Variants in BRCA2 observed in about 807,000 individuals in gnomAD.
The protein encoded by BRCA2 is BRCA2 DNA repair associated.
Under a neutral mutation model 276.7 loss-of-function variants are expected in BRCA2, and 203 were observed. The ratio of observed to expected loss-of-function variants is 0.73; its 90% CI spans 0.65 to 0.82. The LOEUF (loss-of-function observed/expected upper bound fraction) is 0.82, where lower values mean the gene tolerates loss of function less well. Among genes scored for constraint, BRCA2 ranks in the 40% least tolerant of loss-of-function variants. The pLI, the probability that BRCA2 is intolerant of heterozygous loss-of-function variation, is 0.00. For synonymous variants in BRCA2, 1,289 were observed against 1,338.4 expected (o/e 0.96, Z 0.81); for missense variants, 3,920 against 3,915.0 (o/e 1.00, Z -0.03).
Position 32,355,309 on chromosome 13 carries a change from T to G in BRCA2, c.7435+21T>G, listed in dbSNP as rs1451856450. Reference sequence around the variant, plus strand: ...TTTAGGTATTGTATGACAATTTGTGTGATGAATTTTTGCCTTTCAGTTAGA... The same window carrying G: ...TTTAGGTATTGTATGACAATTTGTGGGATGAATTTTTGCCTTTCAGTTAGA... On this transcript the variant is annotated intron_variant, in intron 14 of 26. Coordinates refer to ENST00000380152, the MANE Select transcript of BRCA2 (RefSeq NM_000059.4). 1.2e-6 allele frequency: 2 copies of G among 1,612,904 alleles called. No individual in the cohort carries two copies. Among genetic ancestry groups the G allele is most frequent in the Non-Finnish European group, 1.7e-6 (2 of 1,179,436 alleles).
At chr13:32,371,839 T>C (rs1230220482) in intron 20 of BRCA2, among the ~76,000 whole-genome samples, 3 of 152,252 alleles carry the variant, frequency 2.0e-5, no homozygotes, top group African/African-American at 7.2e-5. Context: ...ATGTTTACAC[T>C]ATAGCATAAT....
rs772324268 is a variant in BRCA2, at chr13:32,340,133, T to C, written c.5778T>C (p.Ser1926=). 6.2e-7 allele frequency: 1 copy of C among 1,613,112 alleles called. No homozygotes were observed. Among genetic ancestry groups the C allele is most frequent in the Non-Finnish European group, 8.5e-7 (1 of 1,179,536 alleles). ...HSHKVFADIQ[S]EEILQHNQNM... ...ATAAGGTTTTTGCTGACATTCAGAGTGAAGAAATTTTACAACATAACCAAA... is the reference window on the plus strand; with the variant it reads ...ATAAGGTTTTTGCTGACATTCAGAGCGAAGAAATTTTACAACATAACCAAA... Residue 1926 remains serine, a synonymous_variant, in exon 11 of 27, where the codon AGT becomes AGC. Transcript: ENST00000380152.
At chr13:32,368,301 T>TGC (rs2072800500) in intron 18 of BRCA2, among the ~76,000 whole-genome samples, 1 of 152,152 alleles carries the variant, frequency 6.6e-6, no homozygotes, top group African/African-American at 2.4e-5. Flanking sequence ...ATTACAGGCT[T>TGC]GAGCCTGTAA....
chr13:32,333,120 CAGA>C lies in BRCA2; in HGVS notation c.1645_1647del (p.Lys549del), dbSNP rs1259605097. The C allele has an allele frequency of 6.2e-7, 1 of 1,613,908 alleles. No individual in the cohort carries two copies. ...ACTGGAAATACATACTGTTTGCTCA[CAGA>C]AGGAGGACTCCTTATGTCCAAATTT... On this transcript the variant is annotated inframe_deletion, in exon 10 of 27. Transcript: ENST00000380152.
At chr13:32,396,222 C>T (rs1161345127) in intron 25 of BRCA2, 1 of 162,618 alleles carries the variant, frequency 6.1e-6, no homozygotes, top group African/African-American at 2.4e-5. Flanking sequence ...GATCTGCCCA[C>T]CTTGGCCTCC....
rs1566222822 is a variant in BRCA2, at chr13:32,332,615, A to T, written c.1137A>T (p.Gly379=). ...CAAATCAGAAGCCCTTTGAGAGTGG[A>T]AGTGACAAAATCTCCAAGGAAGTTG... ...NVANQKPFES[G]SDKISKEVVP... is the part of the protein sequence containing the mutation. The change falls in exon 10 of 27, where the codon GGA becomes GGT. Residue 379 remains glycine, a synonymous_variant. Coordinates refer to ENST00000380152, the MANE Select transcript of BRCA2 (RefSeq NM_000059.4). 2 of 1,614,120 alleles carry T rather than the reference A, an allele frequency of 1.2e-6. No individual in the cohort carries two copies. Among genetic ancestry groups the T allele is most frequent in the Non-Finnish European group, 1.7e-6 (2 of 1,179,984 alleles).
chr13:32,340,871 A>G lies in BRCA2; in HGVS notation c.6516A>G (p.Ser2172=), dbSNP rs1593908967. The change falls in exon 11 of 27, where the codon TCA becomes TCG. Residue 2172 remains serine, a synonymous_variant. Coordinates refer to ENST00000380152, the MANE Select transcript of BRCA2 (RefSeq NM_000059.4). ...AGTTGGTATTAGGAACCAAAGTGTC[A>G]CTTGTTGAGAACATTCATGTTTTGG... The part of the protein sequence containing the change: ...KQQLVLGTKV[S]LVENIHVLGK... The G allele has an allele frequency of 6.2e-7, 1 of 1,603,132 alleles. No individual in the cohort carries two copies. The highest frequency in any genetic ancestry group is 8.5e-7 in the Non-Finnish European group (1 of 1,176,982).
intron 24 of BRCA2, 143 bp downstream of exon 24, chr13:32,380,288 G>A: frequency 1.3e-6 from 1 of 763,962 alleles, no homozygotes; most frequent in Non-Finnish European, 2.1e-6. Flanking sequence ...TTGAACCTCT[G>A]ATTTTTCATG....
Position 32,362,650 on chromosome 13 carries a change from AG to A in BRCA2, c.7934del (p.Arg2645AsnfsTer3), listed in dbSNP as rs80359688. 3 of 1,614,222 alleles carry A rather than the reference AG, an allele frequency of 1.9e-6. No homozygotes were observed. Among genetic ancestry groups the A allele is most frequent in the Non-Finnish European group, 8.5e-7 (1 of 1,180,046 alleles). On this transcript the variant is annotated frameshift_variant, in exon 17 of 27. Transcript: ENST00000380152. LOFTEE classifies it high-confidence loss of function. ...ECAFPKEFAN[R>X]CLSPERVLLQ... ...TGCCTTTCCTAAGGAATTTGCTAAT[AG>A]ATGCCTAAGCCCAGAAAGGGTGCTT...
rs876660313 is a variant in BRCA2, at chr13:32,340,682, T to C, written c.6327T>C (p.Val2109=). ...ATGTATCAAAAATACTTCCTCGTGTTGATAAGAGAAACCCAGAGCACTGTG... is the reference window on the plus strand; with the variant it reads ...ATGTATCAAAAATACTTCCTCGTGTCGATAAGAGAAACCCAGAGCACTGTG... The part of the protein sequence containing the change: ...RQNVSKILPR[V]DKRNPEHCVN... Residue 2109 remains valine (V), a synonymous_variant, in exon 11 of 27, where the codon GTT becomes GTC. Transcript: ENST00000380152. The C allele has an allele frequency of 6.2e-7, 1 of 1,608,802 alleles. No homozygotes were observed. The highest frequency in any genetic ancestry group is 1.3e-5 in the African/African-American group (1 of 74,460).
chr13:32,380,569 C>G (rs1416161073), intron 24 of BRCA2, among the ~76,000 whole-genome samples: 2 of 124,538 alleles, frequency 1.6e-5, no homozygotes, highest in Non-Finnish European at 3.2e-5. Flanking sequence ...GAGATGGAGT[C>G]TCACTCTGTT....
At chr13:32,323,047 G>C (rs1408819736) in intron 3 of BRCA2, among the ~76,000 whole-genome samples, 1 of 152,154 alleles carries the variant, frequency 6.6e-6, no homozygotes, top group Non-Finnish European at 1.5e-5. Flanking sequence ...CAGTGAATGA[G>C]AGTTCTTGTT....
chr13:32,391,162 G>A (rs1274001328), intron 24 of BRCA2, among the ~76,000 whole-genome samples: 1 of 152,200 alleles, frequency 6.6e-6, no homozygotes, highest in Non-Finnish European at 1.5e-5. Context: ...TATATAATGA[G>A]TTAATTAAAC....
intron 13 of BRCA2, among the ~76,000 whole-genome samples, chr13:32,351,547 G>A (rs1034185388): frequency 6.6e-5 from 10 of 152,178 alleles, no homozygotes; most frequent in African/African-American, 1.4e-4. Context: ...AATTAAATAC[G>A]TAATTTAGGA....
At chr13:32,379,266 G>T (rs2137618593) in intron 21 of BRCA2, 51 bp from the exon 22 acceptor site, 1 of 1,585,994 alleles carries the variant, frequency 6.3e-7, no homozygotes, top group South Asian at 1.1e-5. Flanking sequence ...ACAATAGATG[G>T]AACTTTTTTG....
intron 7 of BRCA2, among the ~76,000 whole-genome samples, chr13:32,328,245 G>A (rs549849639): frequency 5.0e-5 from 7 of 139,386 alleles, no homozygotes; most frequent in South Asian, 2.3e-4. Context: ...TTTCTTTTTC[G>A]TTTTTTTTTT....
chr13:32,398,163 T>A lies in BRCA2; in HGVS notation c.9650T>A (p.Met3217Lys), dbSNP rs1441735974. ...IIPGTGNKLLMSSPNCEIYYQ... is the reference protein window; with the variant it reads ...IIPGTGNKLLKSSPNCEIYYQ... Reference sequence around the variant, plus strand: ...GCTACGTTTTCATTTTTTTATCAGATGTCTTCTCCTAATTGTGAGATATAT... The same window carrying A: ...GCTACGTTTTCATTTTTTTATCAGAAGTCTTCTCCTAATTGTGAGATATAT... The change falls in exon 27 of 27, where the codon ATG becomes AAG. Residue 3217 changes from methionine (M) to lysine (K), a missense_variant and splice_region_variant. By Grantham distance (95) the Met-to-Lys change is moderately conservative (BLOSUM62 -1). Coordinates refer to ENST00000380152, the MANE Select transcript of BRCA2 (RefSeq NM_000059.4). 1 of 1,606,866 alleles carries A rather than the reference T, an allele frequency of 6.2e-7. No individual in the cohort carries two copies. Among genetic ancestry groups the A allele is most frequent in the Non-Finnish European group, 8.5e-7 (1 of 1,176,508 alleles).
At position 32,355,200 on chromosome 13, in the gene BRCA2, T is replaced by G. The variant is rs1057520563; in HGVS notation, c.7347T>G (p.Ile2449Met). The change falls in exon 14 of 27, where the codon ATT becomes ATG. Residue 2449 changes from isoleucine (I) to methionine (M), a missense_variant. By Grantham distance (10) the Ile-to-Met change is conservative. Around this residue, in one of 2 missense-constraint regions of BRCA2, gnomAD observed 3,263 missense variants for 3,156.9 expected, o/e 1.03. Transcript: ENST00000380152. Reference protein sequence around the residue: ...GHGSDDSKNKINDNEIHQFNK... With the variant: ...GHGSDDSKNKMNDNEIHQFNK... ...GCTCTGATGATAGTAAAAATAAGATTAATGACAATGAGATTCATCAGTTTA... is the reference window on the plus strand; with the variant it reads ...GCTCTGATGATAGTAAAAATAAGATGAATGACAATGAGATTCATCAGTTTA... 1 of 1,613,384 alleles carries G rather than the reference T, an allele frequency of 6.2e-7. No individual in the cohort carries two copies. Among genetic ancestry groups the G allele is most frequent in the Non-Finnish European group, 8.5e-7 (1 of 1,179,552 alleles).
At chr13:32,390,324 G>A (rs2072988381) in intron 24 of BRCA2, among the ~76,000 whole-genome samples, 1 of 152,098 alleles carries the variant, frequency 6.6e-6, no homozygotes, top group South Asian at 2.1e-4. Flanking sequence ...GGGCGCAGTA[G>A]CTAATGCTTG....
Sources: allele counts gnomAD v4.1 joint callset (sites outside exome capture counted in the v4.1 genomes callset), GRCh38; gene constraint gnomAD v4.1.1; regional missense constraint gnomAD v4.1.1; transcripts MANE v1.5; gene names NCBI Gene and HGNC (gene_info 2026-07-23, HGNC 2026-07-21).